Variants in KTN1 observed in about 807,000 individuals in gnomAD.
The protein encoded by KTN1 is kinectin.
Under a neutral mutation model 222.5 loss-of-function variants are expected in KTN1, and 130 were observed. The ratio of observed to expected loss-of-function variants is 0.58; its 90% CI spans 0.51 to 0.68. KTN1 has a LOEUF of 0.68. Among genes scored for constraint, KTN1 ranks in the 30% least tolerant of loss-of-function variants. KTN1 has a pLI of 0.00. For synonymous variants in KTN1, 512 were observed against 496.3 expected (o/e 1.03, Z -0.42); for missense variants, 1,508 against 1,500.4 (o/e 1.01, Z -0.08).
intron 34 of KTN1, chr14:55,667,974 G>A (rs2045018172): frequency 6.6e-6 from 1 of 150,592 alleles, no homozygotes; most frequent in Non-Finnish European, 1.5e-5. Context: ...GAGGCCTGAT[G>A]TACCCAACAT....
intron 5 of KTN1, among the ~76,000 whole-genome samples, chr14:55,620,550 C>T (rs1238844274): frequency 2.0e-5 from 3 of 152,216 alleles, no homozygotes; most frequent in Non-Finnish European, 2.9e-5. Context: ...AAACTCAAAT[C>T]TTGACTTCTG....
At chr14:55,613,761 G>T (rs563191630) in intron 2 of KTN1, among the ~76,000 whole-genome samples, 1 of 152,048 alleles carries the variant, frequency 6.6e-6, no homozygotes. Flanking sequence ...GAGCCACCAC[G>T]CTTGACCCGG....
At chr14:55,600,463 A>T (rs1002177769) in intron 1 of KTN1, among the ~76,000 whole-genome samples, 1 of 152,128 alleles carries the variant, frequency 6.6e-6, no homozygotes, top group Non-Finnish European at 1.5e-5. Flanking sequence ...AAGTTATAGG[A>T]TGATGTGATT....
rs34731445 is a variant in KTN1 at position 55,647,715 on chromosome 14, C to T, written c.2208-310C>T. On this transcript the variant is annotated intron_variant, in intron 19 of 43. Coordinates refer to ENST00000395314, the MANE Select transcript of KTN1 (RefSeq NM_001079521.2). ...TCCCCAGCACTTTGGGAGGCCAAGGCGGGTGGATCATGAGGTCAGGAGATC... is the reference window on the plus strand; with the variant it reads ...TCCCCAGCACTTTGGGAGGCCAAGGTGGGTGGATCATGAGGTCAGGAGATC... Among the ~76,000 whole-genome samples, 1,200 of 143,990 alleles carry T rather than the reference C, an allele frequency of 8.3e-3. 15 individuals carry two copies. The highest frequency in any genetic ancestry group is 0.029 in the African/African-American group (1,113 of 38,496). 94.5% of individuals were successfully genotyped at this position (143,990 alleles called of 152,430 possible). A position where few individuals can be genotyped will look rare whatever the true frequency, so the allele number is the denominator to read the frequency against.
intron 11 of KTN1, 109 bp from the exon 12 acceptor site, chr14:55,637,670 A>G: frequency 1.3e-6 from 1 of 762,544 alleles, no homozygotes; most frequent in Non-Finnish European, 2.1e-6. Flanking sequence ...GAATGCCTTA[A>G]AAAAAAAAAA....
intron 33 of KTN1, among the ~76,000 whole-genome samples, chr14:55,664,661 GC>G (rs1415680501): frequency 6.6e-6 from 1 of 152,080 alleles, no homozygotes; most frequent in African/African-American, 2.4e-5. Flanking sequence ...GAAATATATA[GC>G]CCCCTCTGTC....
chr14:55,671,658 A>G lies in KTN1; in HGVS notation c.3438+3A>G. ...ACAAATCCGTCCTTGCAGAAACAGT[A>G]GGAAATGATTTTTAATCTACATTTT... On this transcript the variant is annotated splice_donor_region_variant and intron_variant, in intron 36 of 43. Transcript: ENST00000395314. 2 of 1,603,994 alleles carry G rather than the reference A, an allele frequency of 1.2e-6. No individual in the cohort carries two copies. The highest frequency in any genetic ancestry group is 1.7e-6 in the Non-Finnish European group (2 of 1,172,602).
chr14:55,649,176 C>T (rs537848488), intron 21 of KTN1, among the ~76,000 whole-genome samples: 7 of 152,192 alleles, frequency 4.6e-5, no homozygotes, highest in Non-Finnish European at 8.8e-5. Flanking sequence ...GTGCTCCCAC[C>T]TTAGCTTCCT....
chr14:55,618,166 C>G, intron 4 of KTN1, 32 bp downstream of exon 4: 1 of 1,510,284 alleles, frequency 6.6e-7, no homozygotes, highest in Non-Finnish European at 9.0e-7. Flanking sequence ...CTTTGTTGTA[C>G]TATAAAAACA....
intron 1 of KTN1, among the ~76,000 whole-genome samples, chr14:55,609,044 A>G (rs2037164895): frequency 6.6e-6 from 1 of 151,978 alleles, no homozygotes. Context: ...CTTCTAAAAA[A>G]AAAAAAACAG....
At chr14:55,662,888 T>C (rs1054141226) in intron 32 of KTN1, 4 of 456,050 alleles carry the variant, frequency 8.8e-6, no homozygotes, top group East Asian at 7.0e-5. Context: ...GTTTTATTAT[T>C]GGACTTCTGA....
intron 37 of KTN1, chr14:55,672,226 C>T (rs2045514878): frequency 4.3e-6 from 1 of 232,870 alleles, no homozygotes; most frequent in Admixed American, 5.3e-5. Flanking sequence ...TCTTCTATTC[C>T]TGGGACCTGA....
chr14:55,671,464 T>C (rs776420570), intron 35 of KTN1, 102 bp from the exon 36 acceptor site: 246 of 760,072 alleles, frequency 3.2e-4, no homozygotes, highest in Non-Finnish European at 4.9e-4. Context: ...TAAAACACTT[T>C]GAAACCATTT....
At chr14:55,682,598 G>A (rs950256816) in intron 43 of KTN1, 2 of 152,120 alleles carry the variant, frequency 1.3e-5, no homozygotes, top group African/African-American at 4.8e-5. Flanking sequence ...CTTCCAACAT[G>A]TGGCAACTCC....
At position 55,641,724 on chromosome 14, in the gene KTN1, A is replaced by G. The variant is rs1426008443; in HGVS notation, c.2136A>G (p.Ser712=). 6.2e-7 allele frequency: 1 copy of G among 1,603,700 alleles called. No homozygotes were observed. The highest frequency in any genetic ancestry group is 8.5e-7 in the Non-Finnish European group (1 of 1,170,806). ...ATGACCAAAACAAAGCATTAAAATC[A>G]GAAGTTCAGAAGCTACAGACTCTTG... The part of the protein sequence containing the change: ...ILNDQNKALK[S]EVQKLQTLVS... The change falls in exon 18 of 44, where the codon TCA becomes TCG. Residue 712 remains serine, a synonymous_variant. Transcript: ENST00000395314.
intron 11 of KTN1, 64 bp from the exon 12 acceptor site, chr14:55,637,715 T>G: frequency 8.9e-7 from 1 of 1,122,554 alleles, no homozygotes. Flanking sequence ...TAATACATTG[T>G]GTTCATATAC....
At chr14:55,602,408 T>TA (rs1566683642) in intron 1 of KTN1, among the ~76,000 whole-genome samples, 4 of 152,194 alleles carry the variant, frequency 2.6e-5, no homozygotes, top group Admixed American at 6.5e-5. Context: ...GTAGATACTA[T>TA]ATACTTCCTT....
In KTN1 at chr14:55,671,842, G is replaced by A. The variant is rs535461364; in HGVS notation, c.3496G>A (p.Val1166Ile). ...TGAGCAAGAAGAAAATAAATGGAAA[G>A]TTAAGGTCGATGAATCACACAAGAC... is the stretch of plus-strand genomic sequence containing the variant. Reference protein sequence around the residue: ...SVEQEENKWKVKVDESHKTIK... With the variant: ...SVEQEENKWKIKVDESHKTIK... Residue 1166 changes from valine (V) to isoleucine (I), a missense_variant, in exon 37 of 44, where the codon GTT (valine) becomes ATT (isoleucine). Coordinates refer to ENST00000395314, the MANE Select transcript of KTN1 (RefSeq NM_001079521.2). 11 of 1,609,080 alleles carry A rather than the reference G, an allele frequency of 6.8e-6. No individual in the cohort carries two copies. Among genetic ancestry groups the A allele is most frequent in the Non-Finnish European group, 9.4e-6 (11 of 1,175,750 alleles).
chr14:55,666,377 A>G (rs1303480055), intron 33 of KTN1, among the ~76,000 whole-genome samples: 1 of 150,590 alleles, frequency 6.6e-6, no homozygotes, highest in African/African-American at 2.4e-5. Flanking sequence ...TTGTTTTTAG[A>G]TGATTTTCTT....
Sources: gnomAD v4.1 joint callset for allele counts (sites outside exome capture counted in the v4.1 genomes callset) on GRCh38, gnomAD v4.1.1 for gene constraint, MANE v1.5 for transcripts, NCBI Gene and HGNC (gene_info 2026-07-23, HGNC 2026-07-21) for gene names.